The following MAP4 variants were observed in gnomAD, a reference collection of about 807,000 sequenced individuals.
MAP4 encodes microtubule-associated protein 4.
In MAP4, 76 loss-of-function variants were observed where a neutral mutation model predicts 170.2. That is an observed-to-expected ratio of 0.45 (90% CI 0.37 to 0.54). The LOEUF (loss-of-function observed/expected upper bound fraction) is 0.54, where lower values mean the gene tolerates loss of function less well. Ranked by LOEUF, MAP4 falls within the 20% of genes least tolerant of loss-of-function variation. The probability of loss-of-function intolerance (pLI) is 0.00; values close to 1 mark genes in which losing one functional copy is unlikely to be tolerated. For missense variants in MAP4, 2,506 were observed against 2,748.0 expected, an observed-to-expected ratio of 0.91 and a Z score of 1.97; for synonymous variants, 909 against 994.5, an observed-to-expected ratio of 0.91 and a Z score of 1.62.
At chr3:47,969,317 A>C (rs2100077080) in intron 3 of MAP4, among the ~76,000 whole-genome samples, 1 of 152,104 alleles carries the variant, frequency 6.6e-6, no homozygotes, top group African/African-American at 2.4e-5. Context: ...CTGAGGCAAG[A>C]GAATCACAAG....
At chr3:48,016,778 AT>A (rs35747048), upstream of MAP4, among the ~76,000 whole-genome samples, 995 of 146,374 alleles carry the variant, frequency 6.8e-3, 13 homozygotes, top group African/African-American at 0.022. Context: ...TTCTAAAGGC[AT>A]TTTTTTTTTT....
At chr3:48,057,671 G>A (rs1227723339) in intron 1 of MAP4, among the ~76,000 whole-genome samples, 7 of 146,826 alleles carry the variant, frequency 4.8e-5, no homozygotes, top group South Asian at 4.3e-4. Flanking sequence ...GTAAGCATGC[G>A]ACTACCATAT....
In MAP4 at chr3:47,909,364, G is replaced by A. The variant is rs200007791; in HGVS notation, c.5057C>T (p.Ser1686Phe). ...TGACTGGATTTCTGGTGTTGGCAAGGAAACGCTTTCCAATTCCGTGATTTT... is the reference window on the plus strand; with the variant it reads ...TGACTGGATTTCTGGTGTTGGCAAGAAAACGCTTTCCAATTCCGTGATTTT... The part of the protein sequence containing the change: ...ACKITELESV[S>F]LPTPEIQSDF... The change falls in exon 9 of 21, where the codon TCC becomes TTC. Residue 1686 changes from serine to phenylalanine, a missense_variant. This residue lies in a region of MAP4 where 2,008 missense variants were observed against 2,206.0 expected (regional missense o/e 0.91). Coordinates refer to ENST00000683076, the MANE Select transcript of MAP4 (RefSeq NM_001385682.1). The A allele has an allele frequency of 5.4e-5, 87 of 1,613,858 alleles. No homozygotes were observed. The highest frequency in any genetic ancestry group is 6.7e-5 in the Non-Finnish European group (79 of 1,179,874).
intron 1 of MAP4, among the ~76,000 whole-genome samples, chr3:48,062,784 C>T (rs1176913297): frequency 3.3e-5 from 5 of 151,400 alleles, no homozygotes; most frequent in East Asian, 1.9e-4. Flanking sequence ...ATTAGCCAGG[C>T]GTGGTGGCAC....
chr3:47,863,843 G>C (rs960787125), intron 17 of MAP4, among the ~76,000 whole-genome samples: 1 of 151,254 alleles, frequency 6.6e-6, no homozygotes, highest in Non-Finnish European at 1.5e-5. Flanking sequence ...CATTTTTGGA[G>C]CACTAACTAG....
intron 18 of MAP4, 36 bp downstream of exon 18, chr3:47,857,395 C>G (rs761842538): frequency 6.3e-7 from 1 of 1,576,950 alleles, no homozygotes; most frequent in South Asian, 1.1e-5. Context: ...GACGACATAC[C>G]CTGGAGACCC....
chr3:48,088,672 GC>G (rs2100150725), intron 1 of MAP4: 1 of 152,296 alleles, frequency 6.6e-6, no homozygotes, highest in South Asian at 2.1e-4. Flanking sequence ...CCTCGGGCGG[GC>G]CCCGTGGGGT....
intron 8 of MAP4, among the ~76,000 whole-genome samples, chr3:47,914,567 G>A (rs558891495): frequency 2.4e-4 from 36 of 148,608 alleles, no homozygotes; most frequent in African/African-American, 8.4e-4. Flanking sequence ...AAAAAACAAC[G>A]ACAACAACAA....
chr3:47,863,280 A>G (rs2071546780), intron 17 of MAP4, among the ~76,000 whole-genome samples: 1 of 152,202 alleles, frequency 6.6e-6, no homozygotes, highest in Admixed American at 6.5e-5. Flanking sequence ...CCAGCCCAGT[A>G]AAAAGTTTTA....
intron 1 of MAP4, among the ~76,000 whole-genome samples, chr3:48,075,494 T>A (rs549090635): frequency 6.6e-6 from 1 of 151,826 alleles, no homozygotes; most frequent in Non-Finnish European, 1.5e-5. Context: ...GCCACTGCAC[T>A]CCAGCCTGGG....
At chr3:48,067,764 C>T (rs1011174616) in intron 1 of MAP4, among the ~76,000 whole-genome samples, 4 of 151,850 alleles carry the variant, frequency 2.6e-5, no homozygotes, top group Non-Finnish European at 4.4e-5. Context: ...CTTAGCCTCC[C>T]GAGTAGCTGG....
rs532749808 is a variant in MAP4, at chr3:47,886,493, G to T, written c.5435-8970C>A. Among the ~76,000 whole-genome samples, 31 of 152,252 alleles carry T rather than the reference G, an allele frequency of 2.0e-4. 1 individual carries two copies. The highest frequency in any genetic ancestry group is 2.9e-5 in the Non-Finnish European group (2 of 68,012). On this transcript the variant is annotated intron_variant, in intron 10 of 20. Coordinates refer to ENST00000683076, the MANE Select transcript of MAP4 (RefSeq NM_001385682.1). ...TTTTTGTATTTTTCCATAGAGATGG[G>T]TTTTTTGCCATGTTGCTCAGGCTGG...
At chr3:47,891,293 T>C in intron 10 of MAP4, 1 of 1,536,254 alleles carries the variant, frequency 6.5e-7, no homozygotes, top group Non-Finnish European at 8.7e-7. Context: ...GTTGCTGAAG[T>C]GAGCCAATTC....
intron 10 of MAP4, among the ~76,000 whole-genome samples, chr3:47,886,948 T>C (rs1288941076): frequency 6.6e-6 from 1 of 152,236 alleles, no homozygotes; most frequent in East Asian, 1.9e-4. Context: ...TGAGAACAAG[T>C]AAATCTTCCT....
At chr3:48,023,481 A>G (rs1025494153) in intron 1 of MAP4, among the ~76,000 whole-genome samples, 3 of 152,234 alleles carry the variant, frequency 2.0e-5, no homozygotes, top group Non-Finnish European at 4.4e-5. Flanking sequence ...AAATCAACTG[A>G]AAGACTTTTG....
At chr3:47,972,898 G>A (rs1217213478) in intron 3 of MAP4, among the ~76,000 whole-genome samples, 1 of 149,984 alleles carries the variant, frequency 6.7e-6, no homozygotes. Context: ...AAAAAAAAAA[G>A]AAAAAAGAAA....
intron 4 of MAP4, among the ~76,000 whole-genome samples, chr3:47,925,735 G>A (rs2100045466): frequency 6.6e-6 from 1 of 152,152 alleles, no homozygotes; most frequent in African/African-American, 2.4e-5. Context: ...ATAGGGAGAT[G>A]GGGGTGATAT....
chr3:48,078,319 T>A (rs925990828), intron 1 of MAP4, among the ~76,000 whole-genome samples: 2 of 149,538 alleles, frequency 1.3e-5, no homozygotes, highest in Non-Finnish European at 3.0e-5. Flanking sequence ...TAATTTTTTT[T>A]TTTTTTTTTT....
At chr3:48,003,086 A>C (rs2100100210) in intron 1 of MAP4, among the ~76,000 whole-genome samples, 1 of 152,138 alleles carries the variant, frequency 6.6e-6, no homozygotes, top group Non-Finnish European at 1.5e-5. Flanking sequence ...AGAGCAAATT[A>C]TGTCAAAGAA....
Sources: allele counts gnomAD v4.1 joint callset (sites outside exome capture counted in the v4.1 genomes callset), GRCh38; gene constraint gnomAD v4.1.1; regional missense constraint gnomAD v4.1.1; transcripts MANE v1.5; gene names NCBI Gene and HGNC (gene_info 2026-07-23, HGNC 2026-07-21).